Variants in SLC24A2 observed in about 807,000 individuals in gnomAD.
SLC24A2 encodes the protein sodium/potassium/calcium exchanger 2.
Under a neutral mutation model 62.0 loss-of-function variants are expected in SLC24A2, and 36 were observed. The ratio of observed to expected loss-of-function variants is 0.58; its 90% CI spans 0.44 to 0.77. The LOEUF is 0.77. Ranked by LOEUF, SLC24A2 falls within the 30% of genes least tolerant of loss-of-function variation. SLC24A2 has a pLI of 0.00. For synonymous variants in SLC24A2, 358 were observed against 294.0 expected, an observed-to-expected ratio of 1.22 and a Z score of -2.23; for missense variants, 846 against 817.9, an observed-to-expected ratio of 1.03 and a Z score of -0.42.
the SLC24A2 span, among the ~76,000 whole-genome samples, chr9:20,257,902 C>A: frequency 6.6e-6 from 1 of 152,132 alleles, no homozygotes; most frequent in African/African-American, 2.4e-5. Flanking sequence ...CTGGCATGGT[C>A]CCTTAGCTCA....
At chr9:19,835,126 A>G in the SLC24A2 span, among the ~76,000 whole-genome samples, 1 of 152,210 alleles carries the variant, frequency 6.6e-6, no homozygotes, top group African/African-American at 2.4e-5. Context: ...AAAACATGCC[A>G]AATTGTAAAG....
the SLC24A2 span, among the ~76,000 whole-genome samples, chr9:19,937,311 T>G: frequency 2.6e-5 from 4 of 152,340 alleles, no homozygotes; most frequent in African/African-American, 9.6e-5. Flanking sequence ...GAGAGATGAT[T>G]AACATCCTCA....
chr9:19,880,213 T>C, the SLC24A2 span, among the ~76,000 whole-genome samples: 1 of 152,172 alleles, frequency 6.6e-6, no homozygotes, highest in Non-Finnish European at 1.5e-5. Context: ...GTGTTCTTCT[T>C]AGCCTGGACA....
the SLC24A2 span, among the ~76,000 whole-genome samples, chr9:20,242,036 T>G: frequency 6.6e-6 from 1 of 152,190 alleles, no homozygotes; most frequent in African/African-American, 2.4e-5. Flanking sequence ...ATCTCCTGTT[T>G]TGATCATCCT....
At chr9:19,543,800 T>G (rs1019046521) in intron 8 of SLC24A2, among the ~76,000 whole-genome samples, 7 of 148,882 alleles carry the variant, frequency 4.7e-5, no homozygotes, top group African/African-American at 1.8e-4. Context: ...AGAGACTGTT[T>G]GTTATGATTT....
chr9:19,963,641 G>A, the SLC24A2 span, among the ~76,000 whole-genome samples: 1 of 152,208 alleles, frequency 6.6e-6, no homozygotes, highest in Non-Finnish European at 1.5e-5. Context: ...CTGGCCATCA[G>A]AGAAATGCAA....
chr9:20,066,703 G>A, the SLC24A2 span, among the ~76,000 whole-genome samples: 6,042 of 152,212 alleles, frequency 0.04, 398 homozygotes, highest in African/African-American at 0.14. Flanking sequence ...CTTAAAAAGG[G>A]CTACTAGGAG....
the SLC24A2 span, among the ~76,000 whole-genome samples, chr9:19,976,236 A>G: frequency 1.3e-5 from 2 of 152,160 alleles, no homozygotes; most frequent in African/African-American, 4.8e-5. Context: ...TTCATATTGT[A>G]TTAGGTATTG....
chr9:20,051,056 G>C, the SLC24A2 span, among the ~76,000 whole-genome samples: 1 of 152,032 alleles, frequency 6.6e-6, no homozygotes, highest in African/African-American at 2.4e-5. Context: ...ATTATATTAA[G>C]TGAACTAAAC....
the SLC24A2 span, among the ~76,000 whole-genome samples, chr9:20,192,331 T>A: frequency 1.3e-5 from 2 of 152,116 alleles, no homozygotes; most frequent in Non-Finnish European, 2.9e-5. Context: ...CACTAAAGAC[T>A]ATTTTGTAGA....
the SLC24A2 span, among the ~76,000 whole-genome samples, chr9:20,288,461 T>C: frequency 6.6e-6 from 1 of 151,988 alleles, no homozygotes; most frequent in Non-Finnish European, 1.5e-5. Context: ...GGGTAACTTC[T>C]CCAAACTATA....
chr9:20,039,157 A>C, the SLC24A2 span, among the ~76,000 whole-genome samples: 2 of 152,226 alleles, frequency 1.3e-5, no homozygotes, highest in African/African-American at 4.8e-5. Flanking sequence ...ACGCTGAGCC[A>C]GACGGGCTGG....
the SLC24A2 span, among the ~76,000 whole-genome samples, chr9:20,200,661 C>T: frequency 5.3e-4 from 81 of 152,250 alleles, no homozygotes; most frequent in African/African-American, 1.9e-3. Context: ...TTGGGGGTCT[C>T]AAAAGAGGCC....
At chr9:19,781,526 G>T (rs2118929753) in intron 2 of SLC24A2, among the ~76,000 whole-genome samples, 2 of 152,194 alleles carry the variant, frequency 1.3e-5, no homozygotes, top group South Asian at 4.1e-4. Flanking sequence ...GGCCCTTCTG[G>T]GTCTCTCAAA....
chr9:19,828,683 G>A, the SLC24A2 span, among the ~76,000 whole-genome samples: 1 of 152,076 alleles, frequency 6.6e-6, no homozygotes, highest in Non-Finnish European at 1.5e-5. Flanking sequence ...AAATCTGGTG[G>A]CAGTGCACAG....
At chr9:20,097,635 T>C in the SLC24A2 span, among the ~76,000 whole-genome samples, 1 of 151,560 alleles carries the variant, frequency 6.6e-6, no homozygotes, top group Non-Finnish European at 1.5e-5. Context: ...ATTCTCCCTT[T>C]AAGGTCACTA....
the SLC24A2 span, among the ~76,000 whole-genome samples, chr9:19,815,760 T>C: frequency 1.5e-3 from 231 of 152,262 alleles, no homozygotes; most frequent in African/African-American, 5.4e-3. Context: ...TTAGGCTCTT[T>C]TGTATCCCTA....
the SLC24A2 span, among the ~76,000 whole-genome samples, chr9:19,891,382 G>C: frequency 2.0e-5 from 3 of 152,130 alleles, no homozygotes; most frequent in Non-Finnish European, 4.4e-5. Flanking sequence ...AGTCTGTTTT[G>C]TGTTGCTATA....
chr9:20,007,877 C>CTTTT, the SLC24A2 span, among the ~76,000 whole-genome samples: 6 of 79,504 alleles, frequency 7.5e-5, no homozygotes, highest in African/African-American at 1.6e-4. Context: ...TCTTACTCCT[C>CTTTT]TCTTTTTTTT....
Sources: gnomAD v4.1 joint callset for allele counts (sites outside exome capture counted in the v4.1 genomes callset) on GRCh38, gnomAD v4.1.1 for gene constraint, MANE v1.5 for transcripts, NCBI Gene and HGNC (gene_info 2026-07-23, HGNC 2026-07-21) for gene names.